DIAPH1: variants seen among roughly 807,000 people sequenced by gnomAD.
DIAPH1 encodes the protein protein diaphanous homolog 1.
A neutral mutation model predicts 140.7 loss-of-function variants in DIAPH1; 46 were observed. The observed-to-expected ratio is 0.33, with a 90% CI of 0.26 to 0.42. The LOEUF is 0.42. Ranked by LOEUF, DIAPH1 falls within the 10% of genes least tolerant of loss-of-function variation. The pLI is 1.00. For missense variants in DIAPH1, 1,310 were observed against 1,558.7 expected (o/e 0.84, Z 2.69); for synonymous variants, 565 against 551.6 (o/e 1.02, Z -0.34).
At chr5:141,545,796 G>A (rs1034692379) in intron 18 of DIAPH1, among the ~76,000 whole-genome samples, 7 of 152,130 alleles carry the variant, frequency 4.6e-5, no homozygotes, top group East Asian at 3.9e-4. Context: ...CAACTCTGCC[G>A]GCATAATATG....
At position 141,528,954 on chromosome 5, in the gene DIAPH1, A is replaced by T; in HGVS notation, c.2779-13T>A. 1 of 1,613,730 alleles carries T rather than the reference A, an allele frequency of 6.2e-7. No homozygotes were observed. On this transcript the variant is annotated splice_polypyrimidine_tract_variant and intron_variant, in intron 21 of 27. Transcript: ENST00000389054. ...GCACAGTGCCCATCTAGTAAAGAAC[A>T]CAAGCAGTTCCATTACAGTCAAAAG...
chr5:141,555,342 G>A (rs937058518), intron 18 of DIAPH1, among the ~76,000 whole-genome samples: 3 of 152,188 alleles, frequency 2.0e-5, no homozygotes, highest in Non-Finnish European at 4.4e-5. Context: ...CATATCCTTA[G>A]ACAGGTAGGC....
intron 13 of DIAPH1, 96 bp downstream of exon 13, chr5:141,576,660 T>G: frequency 1.1e-6 from 1 of 885,874 alleles, no homozygotes; most frequent in South Asian, 1.3e-5. Flanking sequence ...ATCTGGGGAC[T>G]GGAAAGGTAT....
At chr5:141,536,734 G>A (rs2099889074) in intron 18 of DIAPH1, among the ~76,000 whole-genome samples, 1 of 152,080 alleles carries the variant, frequency 6.6e-6, no homozygotes, top group Non-Finnish European at 1.5e-5. Context: ...CCAGGCAGAG[G>A]CAATAACAAA....
At chr5:141,614,763 T>C (rs2099902399) in intron 1 of DIAPH1, among the ~76,000 whole-genome samples, 1 of 151,994 alleles carries the variant, frequency 6.6e-6, no homozygotes, top group African/African-American at 2.4e-5. Context: ...AACGTTCCTG[T>C]AGGCTCCCCT....
At chr5:141,606,961 TAAA>T (rs200373966) in intron 1 of DIAPH1, among the ~76,000 whole-genome samples, 1 of 116,370 alleles carries the variant, frequency 8.6e-6, no homozygotes, top group Non-Finnish European at 1.8e-5. Flanking sequence ...CCAAGGCTAT[TAAA>T]AAAAAAAAAA....
intron 8 of DIAPH1, 111 bp from the exon 9 acceptor site, chr5:141,579,307 GT>G (rs1435803650): frequency 1.2e-6 from 1 of 851,228 alleles, no homozygotes; most frequent in East Asian, 2.4e-5. Flanking sequence ...GACATTATCA[GT>G]GTTCCGGATT....
At chr5:141,615,223 C>A (rs2099902482) in intron 1 of DIAPH1, among the ~76,000 whole-genome samples, 1 of 151,138 alleles carries the variant, frequency 6.6e-6, no homozygotes, top group South Asian at 2.1e-4. Flanking sequence ...ATCACGAGGT[C>A]AGGAATTTAA....
intron 19 of DIAPH1, among the ~76,000 whole-genome samples, chr5:141,532,282 C>T (rs564831341): frequency 1.3e-4 from 20 of 152,298 alleles, no homozygotes; most frequent in African/African-American, 4.3e-4. Flanking sequence ...AGTGATCCTT[C>T]TGCCTTAGCC....
intron 18 of DIAPH1, among the ~76,000 whole-genome samples, chr5:141,561,364 G>T (rs867048139): frequency 0.04 from 5,504 of 137,334 alleles, 119 homozygotes; most frequent in Middle Eastern, 0.056. Context: ...AAAGAGTTTT[G>T]TTTTTTTTTT....
chr5:141,580,213 A>G (rs995703285), intron 8 of DIAPH1, among the ~76,000 whole-genome samples: 4 of 152,214 alleles, frequency 2.6e-5, no homozygotes, highest in Admixed American at 1.3e-4. Flanking sequence ...TTTTATAGGC[A>G]TAAGTGTCAT....
chr5:141,572,022 AG>A lies in DIAPH1; in HGVS notation c.2376del (p.Ser793ProfsTer9). 1 of 1,613,902 alleles carries A rather than the reference AG, an allele frequency of 6.2e-7. No homozygotes were observed. On this transcript the variant is annotated frameshift_variant, in exon 17 of 28. Coordinates refer to ENST00000389054, the MANE Select transcript of DIAPH1 (RefSeq NM_005219.5). LOFTEE classifies it high-confidence loss of function. ...PNWSKLVAED[L>X]SQDCFWTKVK... ...ACCTTTGTCCAGAAGCAGTCCTGGG[AG>A]AGGTCCTCAGCCACAAGCTGTGGAT...
intron 1 of DIAPH1, among the ~76,000 whole-genome samples, chr5:141,600,959 G>C (rs929170814): frequency 6.6e-6 from 1 of 151,854 alleles, no homozygotes; most frequent in Non-Finnish European, 1.5e-5. Flanking sequence ...CCATCATTCT[G>C]AGCAAACTAT....
At position 141,573,814 on chromosome 5, in the gene DIAPH1, G is replaced by C; in HGVS notation, c.2036C>G (p.Pro679Arg). 6.6e-7 allele frequency: 1 copy of C among 1,518,720 alleles called. No individual in the cohort carries two copies. Among genetic ancestry groups the C allele is most frequent in the Non-Finnish European group, 8.9e-7 (1 of 1,128,180 alleles). 94.1% of individuals were successfully genotyped at this position (1,518,720 alleles called of 1,614,324 possible). A position where few individuals can be genotyped will look rare whatever the true frequency, so the allele number is the denominator to read the frequency against. The change falls in exon 16 of 28, where the codon CCT becomes CGT. Residue 679 changes from proline (P) to arginine (R), a missense_variant. Pro to Arg is a moderately radical substitution (Grantham distance 103). Coordinates refer to ENST00000389054, the MANE Select transcript of DIAPH1 (RefSeq NM_005219.5). ...LPGGTAIPPP[P>R]PLPGSARIPP... ...GATTCTAGCACTCCCAGGCAAAGGA[G>C]GAGGTGGGGGGATGGCAGTACCTCC...
In DIAPH1 at chr5:141,554,687, AAAT is replaced by A. The variant is rs1302964476; in HGVS notation, c.2482+16738_2482+16740del. On this transcript the variant is annotated intron_variant, in intron 18 of 27. Coordinates refer to ENST00000389054, the MANE Select transcript of DIAPH1 (RefSeq NM_005219.5). Reference sequence around the variant, plus strand: ...AAGTGAATTAAGGGGTATAAAATAAAAATAATAACAGATCACATTCAAGTTAGA... The same window carrying A: ...AAGTGAATTAAGGGGTATAAAATAAAAATAACAGATCACATTCAAGTTAGA... Among the ~76,000 whole-genome samples the A allele has an allele frequency of 2.6e-5, 4 of 152,210 alleles. 1 individual carries two copies. The highest frequency in any genetic ancestry group is 4.1e-4 in the South Asian group (2 of 4,834).
At chr5:141,530,608 C>T (rs1385523978) in intron 19 of DIAPH1, among the ~76,000 whole-genome samples, 7 of 152,192 alleles carry the variant, frequency 4.6e-5, no homozygotes, top group Non-Finnish European at 1.0e-4. Context: ...GGTCCTCCAA[C>T]ATATTCCCAC....
At chr5:141,562,368 G>C (rs1301319217) in intron 18 of DIAPH1, among the ~76,000 whole-genome samples, 1 of 152,010 alleles carries the variant, frequency 6.6e-6, no homozygotes, top group Non-Finnish European at 1.5e-5. Context: ...CCAGGATATA[G>C]AAGCAAGGTA....
At chr5:141,568,402 A>G (rs2099894688) in intron 18 of DIAPH1, among the ~76,000 whole-genome samples, 1 of 152,198 alleles carries the variant, frequency 6.6e-6, no homozygotes, top group South Asian at 2.1e-4. Flanking sequence ...GTGAAAAAGG[A>G]CCAGAAGTTT....
intron 12 of DIAPH1, 138 bp from the exon 13 acceptor site, chr5:141,577,009 T>C: frequency 1.5e-6 from 1 of 675,982 alleles, no homozygotes; most frequent in East Asian, 2.8e-5. Flanking sequence ...CAAGTATTGC[T>C]GCCATGCTAA....
Sources: allele counts gnomAD v4.1 joint callset (sites outside exome capture counted in the v4.1 genomes callset), GRCh38; gene constraint gnomAD v4.1.1; transcripts MANE v1.5; gene names NCBI Gene and HGNC (gene_info 2026-07-23, HGNC 2026-07-21).